Variants in PBX1 observed in about 807,000 individuals in gnomAD.
The protein encoded by PBX1 is pre-B-cell leukemia transcription factor 1.
Under a neutral mutation model 53.4 loss-of-function variants are expected in PBX1, and 6 were observed. The ratio of observed to expected loss-of-function variants is 0.11; its 90% CI spans 0.06 to 0.22. The LOEUF (loss-of-function observed/expected upper bound fraction) is 0.22. Ranked by LOEUF, PBX1 falls within the 10% of genes least tolerant of loss-of-function variation. The pLI is 1.00. For synonymous variants in PBX1, 204 were observed against 212.3 expected (o/e 0.96, Z 0.34); for missense variants, 251 against 551.4 (o/e 0.46, Z 5.46).
intron 2 of PBX1, among the ~76,000 whole-genome samples, chr1:164,632,510 C>G (rs1047253176): frequency 4.6e-5 from 7 of 152,134 alleles, no homozygotes; most frequent in African/African-American, 1.7e-4. Context: ...GAAAAGCCAA[C>G]ATCAATAACC....
chr1:164,653,499 A>G (rs1289891736), intron 2 of PBX1, among the ~76,000 whole-genome samples: 1 of 152,102 alleles, frequency 6.6e-6, no homozygotes, highest in Non-Finnish European at 1.5e-5. Context: ...GGGGCTGAGC[A>G]TGGTGCCTTA....
chr1:164,865,438 G>A (rs1672195286), intron 2 of PBX1, among the ~76,000 whole-genome samples: 1 of 152,164 alleles, frequency 6.6e-6, no homozygotes, highest in African/African-American at 2.4e-5. Flanking sequence ...GCATGCCAGA[G>A]TGCTTGACAC....
rs191176456 is a variant in PBX1, at chr1:164,704,611, A to G, written c.266-87883A>G. Among the ~76,000 whole-genome samples the G allele has an allele frequency of 3.1e-3, 468 of 152,132 alleles. 5 individuals carry two copies. The highest frequency in any genetic ancestry group is 0.01 in the African/African-American group (427 of 41,514). Reference sequence around the variant, plus strand: ...TAATATTATTATATTACTGAATGTCAGAGCTCTGATACTATAGAATTGGAT... The same window carrying G: ...TAATATTATTATATTACTGAATGTCGGAGCTCTGATACTATAGAATTGGAT... On this transcript the variant is annotated intron_variant, in intron 2 of 8. Transcript: ENST00000420696.
chr1:164,703,021 AAGAG>A (rs1663218455), intron 2 of PBX1: 1 of 152,134 alleles, frequency 6.6e-6, no homozygotes, highest in Non-Finnish European at 1.5e-5. Context: ...ATTAAAAAAA[AAGAG>A]AGAGACAAGG....
At chr1:164,590,333 C>T in intron 2 of PBX1, 1 of 455,884 alleles carries the variant, frequency 2.2e-6, no homozygotes, top group Non-Finnish European at 4.4e-6. Flanking sequence ...TTAGGAGCTA[C>T]CACAGGGCTC....
intron 6 of PBX1, chr1:164,817,368 C>T (rs1371593160): frequency 1.3e-5 from 2 of 152,154 alleles, no homozygotes; most frequent in African/African-American, 4.8e-5. Flanking sequence ...AGAACATGTC[C>T]TCCCCTTGTA....
chr1:164,691,632 G>A (rs1181018623), intron 2 of PBX1, among the ~76,000 whole-genome samples: 1 of 152,184 alleles, frequency 6.6e-6, no homozygotes, highest in Non-Finnish European at 1.5e-5. Context: ...AGAGCAGAGA[G>A]CTTGCAGGCA....
intron 2 of PBX1, among the ~76,000 whole-genome samples, chr1:164,725,383 G>A (rs557204447): frequency 3.3e-5 from 5 of 152,248 alleles, no homozygotes; most frequent in Admixed American, 3.3e-4. Flanking sequence ...AACCAGAAAC[G>A]CTAGGAGGAA....
chr1:164,756,864 A>G (rs1666553725), intron 2 of PBX1, among the ~76,000 whole-genome samples: 2 of 152,252 alleles, frequency 1.3e-5, no homozygotes, highest in South Asian at 2.1e-4. Context: ...CTTCAAATAT[A>G]CAATTCAAAC....
intron 2 of PBX1, among the ~76,000 whole-genome samples, chr1:164,578,860 G>T: frequency 6.6e-6 from 1 of 152,104 alleles, no homozygotes; most frequent in East Asian, 1.9e-4. Context: ...CTTTCCTCAA[G>T]CACTGTAACC....
chr1:164,744,965 C>T (rs1204558009), intron 2 of PBX1, among the ~76,000 whole-genome samples: 2 of 152,138 alleles, frequency 1.3e-5, no homozygotes, highest in Non-Finnish European at 2.9e-5. Flanking sequence ...CCATGTAATA[C>T]ACCAAACTTA....
At chr1:164,743,599 C>T (rs1387807407) in intron 2 of PBX1, among the ~76,000 whole-genome samples, 3 of 152,094 alleles carry the variant, frequency 2.0e-5, no homozygotes, top group African/African-American at 7.2e-5. Flanking sequence ...AGACAGCTTA[C>T]TAACACTGTA....
intron 2 of PBX1, among the ~76,000 whole-genome samples, chr1:164,860,282 A>G (rs973879174): frequency 6.6e-6 from 1 of 152,202 alleles, no homozygotes; most frequent in African/African-American, 2.4e-5. Context: ...CTGGGAATAC[A>G]CTAGTGCATG....
At chr1:164,678,825 A>T (rs1405940411) in intron 2 of PBX1, among the ~76,000 whole-genome samples, 1 of 152,152 alleles carries the variant, frequency 6.6e-6, no homozygotes, top group African/African-American at 2.4e-5. Context: ...AGTTTTATGA[A>T]CAACTTTTTT....
chr1:164,784,068 G>A (rs555717932), intron 2 of PBX1, among the ~76,000 whole-genome samples: 2 of 152,182 alleles, frequency 1.3e-5, no homozygotes, highest in Admixed American at 1.3e-4. Context: ...GAAGGAAACT[G>A]TTCCTTGTAT....
At chr1:164,882,534 C>A (rs1672684900) in intron 2 of PBX1, among the ~76,000 whole-genome samples, 2 of 152,308 alleles carry the variant, frequency 1.3e-5, no homozygotes, top group Non-Finnish European at 2.9e-5. Flanking sequence ...TATTCTTAGG[C>A]CCTCAGTACC....
intron 2 of PBX1, among the ~76,000 whole-genome samples, chr1:164,621,130 A>G (rs530723829): frequency 6.6e-6 from 1 of 152,306 alleles, no homozygotes; most frequent in South Asian, 2.1e-4. Context: ...CTGGGACTAC[A>G]GGCGCGTGAC....
downstream of PBX1, among the ~76,000 whole-genome samples, chr1:164,852,358 A>T (rs1481729849): frequency 6.6e-6 from 1 of 152,190 alleles, no homozygotes; most frequent in East Asian, 1.9e-4. Context: ...TGTTATGCCT[A>T]CCATCCCAAA....
chr1:164,618,629 A>C (rs1368960342), intron 2 of PBX1, among the ~76,000 whole-genome samples: 1 of 152,186 alleles, frequency 6.6e-6, no homozygotes, highest in Non-Finnish European at 1.5e-5. Context: ...TGCCAAAATC[A>C]GTAGGGTTTT....
Sources: gnomAD v4.1 joint callset for allele counts (sites outside exome capture counted in the v4.1 genomes callset) on GRCh38, gnomAD v4.1.1 for gene constraint, MANE v1.5 for transcripts, NCBI Gene and HGNC (gene_info 2026-07-23, HGNC 2026-07-21) for gene names.